Variants in MGAT5 observed in about 807,000 individuals in gnomAD.
MGAT5 encodes the protein alpha-1,6-mannosylglycoprotein 6-beta-N-acetylglucosaminyltransferase A.
Under a neutral mutation model 94.3 loss-of-function variants are expected in MGAT5, and 30 were observed. The observed-to-expected ratio is 0.32, with a 90% confidence interval of 0.24 to 0.43. MGAT5 has a LOEUF of 0.43. MGAT5 is among the 20% of genes least tolerant of loss of function. The probability of loss-of-function intolerance (pLI) is 1.00; values close to 1 mark genes in which losing one functional copy is unlikely to be tolerated. For synonymous variants in MGAT5, 310 were observed against 322.9 expected, an observed-to-expected ratio of 0.96 and a Z score of 0.43; for missense variants, 691 against 905.5, an observed-to-expected ratio of 0.76 and a Z score of 3.04.
intron 2 of MGAT5, among the ~76,000 whole-genome samples, chr2:134,279,209 C>T (rs987450246): frequency 6.6e-5 from 10 of 152,282 alleles, no homozygotes; most frequent in African/African-American, 2.4e-4. Flanking sequence ...TTCTAGATCA[C>T]CATTTCTGCC....
At chr2:134,403,753 G>C (rs921782657) in intron 11 of MGAT5, among the ~76,000 whole-genome samples, 3 of 152,224 alleles carry the variant, frequency 2.0e-5, no homozygotes, top group Admixed American at 2.0e-4. Flanking sequence ...GAAAGAGCTA[G>C]AAGCCAACCC....
At chr2:134,413,058 A>G in intron 12 of MGAT5, 43 bp downstream of exon 12, 1 of 1,606,348 alleles carries the variant, frequency 6.2e-7, no homozygotes. Context: ...TAATATGAAT[A>G]ATAGCTATTT....
Position 134,189,602 on chromosome 2 carries a change from G to GTTTTGTTTTTTTTTTTT in MGAT5, c.-142-64656_-142-64655insGTTTTTTTTTTTTTTTT, listed in dbSNP as rs1553490380. On this transcript the variant is annotated intron_variant, in intron 1 of 16. Coordinates refer to the MGAT5 transcript ENST00000409645. ...AACCTCATGGCTCTAGTTTTTTTTTGTTTTTTTTTTTTTTTTTTAAGACAG... is the reference window on the plus strand; with the variant it reads ...AACCTCATGGCTCTAGTTTTTTTTTGTTTTGTTTTTTTTTTTTTTTTTTTTTTTTTTTTTTAAGACAG... Among the ~76,000 whole-genome samples, 188 of 84,646 alleles carry GTTTTGTTTTTTTTTTTT rather than the reference G, an allele frequency of 2.2e-3. 6 individuals are homozygous for GTTTTGTTTTTTTTTTTT. The highest frequency in any genetic ancestry group is 8.6e-3 in the African/African-American group (181 of 20,990). The allele number at this position is 84,646 out of a possible 152,430, so 55.5% of individuals were successfully genotyped here.
At chr2:134,245,762 T>C (rs1682223446) in intron 1 of MGAT5, among the ~76,000 whole-genome samples, 1 of 152,218 alleles carries the variant, frequency 6.6e-6, no homozygotes, top group African/African-American at 2.4e-5. Flanking sequence ...AGAGTGCATG[T>C]TCTGGACCCA....
chr2:134,444,656 G>A (rs1685672981), intron 15 of MGAT5, among the ~76,000 whole-genome samples: 1 of 152,230 alleles, frequency 6.6e-6, no homozygotes, highest in South Asian at 2.1e-4. Context: ...CTTGGAGCCT[G>A]CTTTGAGCTA....
intron 1 of MGAT5, among the ~76,000 whole-genome samples, chr2:134,176,365 A>T (rs1172205542): frequency 6.6e-6 from 1 of 152,084 alleles, no homozygotes; most frequent in Non-Finnish European, 1.5e-5. Flanking sequence ...CGAGGTCAGG[A>T]GTTCGAGAAC....
chr2:134,120,634 T>A (rs1480886112), intron 1 of MGAT5, among the ~76,000 whole-genome samples: 1 of 151,526 alleles, frequency 6.6e-6, no homozygotes, highest in East Asian at 2.0e-4. Context: ...GAAGCTCTGG[T>A]TGCGCGGGCT....
At chr2:134,337,135 G>C (rs1369558425) in intron 5 of MGAT5, among the ~76,000 whole-genome samples, 1 of 152,266 alleles carries the variant, frequency 6.6e-6, no homozygotes, top group East Asian at 1.9e-4. Flanking sequence ...GTAGTTTGCT[G>C]TTCCATGCTG....
chr2:134,426,691 A>G (rs893316044), intron 13 of MGAT5, among the ~76,000 whole-genome samples: 1 of 150,936 alleles, frequency 6.6e-6, no homozygotes, highest in African/African-American at 2.5e-5. Context: ...GGAGTCACCC[A>G]TGGGTTGAGT....
chr2:134,403,252 G>C (rs1683157041), intron 11 of MGAT5, 115 bp downstream of exon 11: 6 of 1,145,400 alleles, frequency 5.2e-6, no homozygotes, highest in Non-Finnish European at 6.0e-6. Flanking sequence ...GGCTATTTTG[G>C]GGCAGCAGTT....
chr2:134,322,924 A>G (rs929530591), intron 4 of MGAT5, among the ~76,000 whole-genome samples: 1 of 152,128 alleles, frequency 6.6e-6, no homozygotes, highest in African/African-American at 2.4e-5. Context: ...TCTTGTTTTG[A>G]TCTATGTTTA....
chr2:134,154,198 T>C (rs1687368282), intron 1 of MGAT5, among the ~76,000 whole-genome samples: 1 of 152,098 alleles, frequency 6.6e-6, no homozygotes. Flanking sequence ...CGAATATGGG[T>C]CAGGGAACGG....
At chr2:134,297,722 T>A (rs1486212266) in intron 2 of MGAT5, among the ~76,000 whole-genome samples, 3 of 152,262 alleles carry the variant, frequency 2.0e-5, no homozygotes, top group African/African-American at 7.2e-5. Context: ...ACATACAGGT[T>A]AACATCATAC....
intron 9 of MGAT5, among the ~76,000 whole-genome samples, chr2:134,361,041 C>A (rs755998842): frequency 6.6e-6 from 1 of 152,186 alleles, no homozygotes; most frequent in Non-Finnish European, 1.5e-5. Flanking sequence ...GCATGGCGGG[C>A]GACATTGGAG....
At chr2:134,336,176 A>G in intron 4 of MGAT5, 41 bp from the exon 5 acceptor site, 1 of 1,512,806 alleles carries the variant, frequency 6.6e-7, no homozygotes, top group Non-Finnish European at 9.2e-7. Context: ...TTAATTCATT[A>G]TAGATGAAGC....
chr2:134,228,814 C>CATAGA (rs768694320), intron 1 of MGAT5, among the ~76,000 whole-genome samples: 1 of 152,120 alleles, frequency 6.6e-6, no homozygotes, highest in Admixed American at 6.6e-5. Context: ...TTTCCTGCAC[C>CATAGA]ATAGAGGGCA....
intron 13 of MGAT5, among the ~76,000 whole-genome samples, chr2:134,426,651 T>A (rs1574076117): frequency 6.6e-6 from 1 of 152,076 alleles, no homozygotes; most frequent in Non-Finnish European, 1.5e-5. Context: ...GAGAGGAAAC[T>A]TATCTCTAGG....
chr2:134,164,660 T>G (rs140861614), intron 1 of MGAT5, among the ~76,000 whole-genome samples: 1 of 152,256 alleles, frequency 6.6e-6, no homozygotes, highest in African/African-American at 2.4e-5. Context: ...TAGTTAGTAT[T>G]CTATATTAAT....
rs1553488518 is a variant in MGAT5 at position 134,177,144 on chromosome 2, C to CGTGTGTATGTGTGTGTGTGTGTGTGT, written c.-143+56859_-143+56860insATGTGTGTGTGTGTGTGTGTGTGTGT. Reference sequence around the variant, plus strand: ...AGGGACCTCCTGTAACAAATGAACCCGTGTGTGTGTGTGTGTGTATGTATC... The same window carrying CGTGTGTATGTGTGTGTGTGTGTGTGT: ...AGGGACCTCCTGTAACAAATGAACCCGTGTGTATGTGTGTGTGTGTGTGTGTGTGTGTGTGTGTGTGTGTATGTATC... On this transcript the variant is annotated intron_variant, in intron 1 of 16. Transcript: ENST00000409645. 9.2e-4 allele frequency among the ~76,000 whole-genome samples: 131 copies of CGTGTGTATGTGTGTGTGTGTGTGTGT among 142,624 alleles called. 4 individuals carry two copies. The South Asian group carries it at 0.017, about 19-fold the overall frequency. 93.6% of individuals were successfully genotyped at this position (142,624 alleles called of 152,430 possible).
Sources: allele counts gnomAD v4.1 joint callset (sites outside exome capture counted in the v4.1 genomes callset), GRCh38; gene constraint gnomAD v4.1.1; transcripts MANE v1.5; gene names NCBI Gene and HGNC (gene_info 2026-07-23, HGNC 2026-07-21).